The following ZNF429 variants were observed in gnomAD, a reference collection of about 807,000 sequenced individuals.
The protein encoded by ZNF429 is zinc finger protein 429.
ZNF429 carries 53 observed loss-of-function variants against 56.8 expected under a neutral mutation model. That is an observed-to-expected ratio of 0.93 (90% confidence interval 0.75 to 1.17). The LOEUF is 1.17. Ranked by LOEUF, ZNF429 falls within the 50% of genes most tolerant of loss-of-function variation. The pLI is 0.00. For synonymous variants in ZNF429, 278 were observed against 264.7 expected (o/e 1.05, Z -0.49); for missense variants, 849 against 788.4 (o/e 1.08, Z -0.92).
intron 1 of ZNF429, among the ~76,000 whole-genome samples, chr19:21,514,547 TG>T (rs1187526861): frequency 6.6e-6 from 1 of 152,066 alleles, no homozygotes; most frequent in African/African-American, 2.4e-5. Context: ...CAGCATTCCG[TG>T]ATGTTTATAT....
chr19:21,506,288 T>C (rs1490779606), intron 1 of ZNF429, among the ~76,000 whole-genome samples: 4 of 152,062 alleles, frequency 2.6e-5, no homozygotes, highest in African/African-American at 4.8e-5. Flanking sequence ...TGAAACCCCC[T>C]CTCTGCTAAA....
At chr19:21,519,735 T>C (rs2032916094) in intron 1 of ZNF429, among the ~76,000 whole-genome samples, 1 of 152,194 alleles carries the variant, frequency 6.6e-6, no homozygotes, top group Admixed American at 6.5e-5. Context: ...TATCGGTCTT[T>C]CCAGTCTCCT....
rs2033784407 is a variant in ZNF429, at chr19:21,538,024, G to A, written c.1971G>A (p.Leu657=). Residue 657 remains leucine (L), a synonymous_variant, in exon 4 of 4, where the codon TTG becomes TTA. Coordinates refer to ENST00000358491, the MANE Select transcript of ZNF429 (RefSeq NM_001001415.4). ...CTCATGCCTGTAATCCCAGCACTTTGGGAGGCAGAGGTGGGCGGATCACGA... is the reference window on the plus strand; with the variant it reads ...CTCATGCCTGTAATCCCAGCACTTTAGGAGGCAGAGGTGGGCGGATCACGA... ...VVAHACNPST[L]GGRGGRITRS... is the part of the protein sequence containing the mutation. 1 of 1,605,652 alleles carries A rather than the reference G, an allele frequency of 6.2e-7. No individual in the cohort carries two copies. Among genetic ancestry groups the A allele is most frequent in the Non-Finnish European group, 8.5e-7 (1 of 1,173,350 alleles).
chr19:21,530,822 T>G, intron 3 of ZNF429, 138 bp downstream of exon 3: 1 of 695,258 alleles, frequency 1.4e-6, no homozygotes. Flanking sequence ...TAAAAAACTT[T>G]CAGCCTGGCA....
chr19:21,520,260 A>G (rs2032943070), intron 1 of ZNF429, among the ~76,000 whole-genome samples: 1 of 152,150 alleles, frequency 6.6e-6, no homozygotes, highest in African/African-American at 2.4e-5. Flanking sequence ...CACCTTAGAT[A>G]CCTGAATCCA....
intron 3 of ZNF429, among the ~76,000 whole-genome samples, chr19:21,533,740 G>A: frequency 6.8e-6 from 1 of 147,572 alleles, no homozygotes; most frequent in Admixed American, 6.8e-5. Flanking sequence ...ACTGCAACCT[G>A]TTTCCCGGGT....
rs1444288590 is a variant in ZNF429 at position 21,536,864 on chromosome 19, A to G, written c.811A>G (p.Thr271Ala). ...TGGCAAAGCCTTTAGCAGGTACTCA[A>G]CCCTTACTACCCATAAGAGAATTCA... ...ECGKAFSRYS[T>A]LTTHKRIHSG... is the part of the protein sequence containing the mutation. Residue 271 changes from threonine to alanine, a missense_variant, in exon 4 of 4, where the codon ACC becomes GCC. Coordinates refer to ENST00000358491, the MANE Select transcript of ZNF429 (RefSeq NM_001001415.4). 1.9e-6 allele frequency: 3 copies of G among 1,613,598 alleles called. No individual in the cohort carries two copies. The highest frequency in any genetic ancestry group is 2.5e-6 in the Non-Finnish European group (3 of 1,179,898).
At chr19:21,528,747 T>G (rs2033261253) in intron 1 of ZNF429, among the ~76,000 whole-genome samples, 1 of 152,106 alleles carries the variant, frequency 6.6e-6, no homozygotes, top group African/African-American at 2.4e-5. Flanking sequence ...GAGTCATCAG[T>G]ACCTTAAACT....
At chr19:21,515,456 G>A (rs2032695903) in intron 1 of ZNF429, among the ~76,000 whole-genome samples, 1 of 151,712 alleles carries the variant, frequency 6.6e-6, no homozygotes, top group Non-Finnish European at 1.5e-5. Flanking sequence ...TTGTAAATTT[G>A]TTTAAGTTCC....
chr19:21,508,439 T>C (rs1278558679), intron 1 of ZNF429, among the ~76,000 whole-genome samples: 2 of 152,150 alleles, frequency 1.3e-5, no homozygotes, highest in Non-Finnish European at 2.9e-5. Flanking sequence ...GTGATTGAAC[T>C]TGACACATGA....
intron 2 of ZNF429, 114 bp downstream of exon 2, chr19:21,529,898 C>A: frequency 1.3e-6 from 1 of 794,682 alleles, no homozygotes; most frequent in Non-Finnish European, 1.8e-6. Context: ...CAGATTCCTG[C>A]TTTTAAGAAA....
intron 2 of ZNF429, 143 bp from the exon 3 acceptor site, chr19:21,530,446 G>T: frequency 6.1e-6 from 3 of 491,844 alleles, no homozygotes; most frequent in Non-Finnish European, 1.0e-5. Flanking sequence ...ATTTTCTAAA[G>T]ATTTAGAAAT....
In ZNF429 at chr19:21,536,904, C is replaced by G; in HGVS notation, c.851C>G (p.Pro284Arg). The part of the protein sequence containing the change: ...THKRIHSGEK[P>R]YKCDECGKTF... ...AAGAGAATTCATTCTGGAGAGAAGC[C>G]CTACAAATGTGATGAATGTGGCAAA... is the stretch of plus-strand genomic sequence containing the variant. The change falls in exon 4 of 4, where the codon CCC becomes CGC. Residue 284 changes from proline to arginine, a missense_variant. Transcript: ENST00000358491. 1 of 1,612,016 alleles carries G rather than the reference C, an allele frequency of 6.2e-7. No homozygotes were observed. Among genetic ancestry groups the G allele is most frequent in the Non-Finnish European group, 8.5e-7 (1 of 1,179,104 alleles).
At chr19:21,516,556 A>T (rs2032753355) in intron 1 of ZNF429, among the ~76,000 whole-genome samples, 1 of 151,846 alleles carries the variant, frequency 6.6e-6, no homozygotes, top group South Asian at 2.1e-4. Flanking sequence ...AATGATACTG[A>T]TTTTTTTCTG....
At chr19:21,524,251 C>T (rs1229894459) in intron 1 of ZNF429, among the ~76,000 whole-genome samples, 1 of 152,198 alleles carries the variant, frequency 6.6e-6, no homozygotes, top group Non-Finnish European at 1.5e-5. Context: ...GATGCTGGGC[C>T]AGGCGTGGTG....
chr19:21,518,508 A>G (rs1011674509), intron 1 of ZNF429: 1 of 152,208 alleles, frequency 6.6e-6, no homozygotes, highest in African/African-American at 2.4e-5. Flanking sequence ...TTTAATTTTC[A>G]TGTAATTGCA....
chr19:21,526,488 C>G (rs189564720), intron 1 of ZNF429, among the ~76,000 whole-genome samples: 3 of 152,156 alleles, frequency 2.0e-5, no homozygotes, highest in Non-Finnish European at 4.4e-5. Flanking sequence ...TGTGGTTTTA[C>G]CTTTTAATGT....
intron 1 of ZNF429, among the ~76,000 whole-genome samples, chr19:21,510,852 C>A (rs546900588): frequency 9.2e-5 from 14 of 152,232 alleles, no homozygotes; most frequent in African/African-American, 3.4e-4. Flanking sequence ...ATCCATTTTA[C>A]CCTGAGTGGA....
rs1327519480 is a variant in ZNF429, at chr19:21,538,070, C to T, written c.2017C>T (p.Pro673Ser). 1 of 1,277,136 alleles carries T rather than the reference C, an allele frequency of 7.8e-7. No homozygotes were observed. The highest frequency in any genetic ancestry group is 1.9e-5 in the Admixed American group (1 of 51,866). 79.1% of individuals were successfully genotyped at this position (1,277,136 alleles called of 1,614,324 possible). ...CACGAGGTCAGGAGATCGAGACCGT[C>T]CTGGCTAACATGGTGAAACCCCGTC... ...RITRSGDRDR[P>S]G Residue 673 changes from proline to serine, a missense_variant, in exon 4 of 4, where the codon CCT (proline) becomes TCT (serine). By Grantham distance (74) the Pro-to-Ser change is moderately conservative. Transcript: ENST00000358491.
Sources: allele counts gnomAD v4.1 joint callset (sites outside exome capture counted in the v4.1 genomes callset), GRCh38; gene constraint gnomAD v4.1.1; transcripts MANE v1.5; gene names NCBI Gene and HGNC (gene_info 2026-07-23, HGNC 2026-07-21).